SH3TC1: variants seen among roughly 807,000 people sequenced by gnomAD.
The protein encoded by SH3TC1 is SH3 domain and tetratricopeptide repeats 1.
Under a neutral mutation model 117.3 loss-of-function variants are expected in SH3TC1, and 135 were observed. The ratio of observed to expected loss-of-function variants is 1.15; its 90% CI spans 1.00 to 1.33. The LOEUF is 1.33. Ranked by LOEUF, SH3TC1 falls within the 40% of genes most tolerant of loss-of-function variation. SH3TC1 has a pLI of 0.00. For missense variants in SH3TC1, 2,092 were observed against 1,794.3 expected (o/e 1.17, Z -3.00); for synonymous variants, 898 against 816.9 (o/e 1.10, Z -1.69).
chr4:8,212,765 G>C lies in SH3TC1; in HGVS notation c.312G>C (p.Gln104His), dbSNP rs1426724576. The change falls in exon 4 of 18, where the codon CAG (glutamine) becomes CAC (histidine). Residue 104 changes from glutamine to histidine, a missense_variant. Transcript: ENST00000245105. ...GACTGCGGGACCCCGGCCTACAGCA[G>C]ACCCTCCGGGGCCAGCTCCGCCTGC... ...KSRLRDPGLQQTLRGQLRLLE... is the reference protein window; with the variant it reads ...KSRLRDPGLQHTLRGQLRLLE... The C allele has an allele frequency of 1.9e-6, 3 of 1,612,128 alleles. No homozygotes were observed. The highest frequency in any genetic ancestry group is 1.7e-6 in the Non-Finnish European group (2 of 1,179,720).
rs200239899 is a variant in SH3TC1, at chr4:8,232,205, G to A, written c.3131+49G>A. The A allele has an allele frequency of 2.8e-5, 27 of 954,178 alleles. No individual in the cohort carries two copies. The East Asian group carries it at 9.4e-4, about 33-fold the overall frequency. 59.1% of individuals were successfully genotyped at this position (954,178 alleles called of 1,614,324 possible). On this transcript the variant is annotated intron_variant, in intron 13 of 17. Coordinates refer to ENST00000245105, the MANE Select transcript of SH3TC1 (RefSeq NM_018986.5). ...GGGGGCGGGGGGAGGGGGCAAAGGG[G>A]GCGGCGGGGCGGGGGCACAGGGAAG...
chr4:8,227,943 T>G lies in SH3TC1; in HGVS notation c.2249T>G (p.Leu750Arg), dbSNP rs772277777. ...GCCGGCTCGCTGAGGAGTGTGAACC[T>G]GGTGCTCCAGAACGCCCCCCAGCCC... ...SLAGSLRSVN[L>R]VLQNAPQPHS... Residue 750 changes from leucine (L) to arginine (R), a missense_variant, in exon 12 of 18, where the codon CTG (leucine) becomes CGG (arginine). Physicochemically the swap from Leu to Arg is moderately radical, Grantham distance 102 (BLOSUM62 -2). Coordinates refer to ENST00000245105, the MANE Select transcript of SH3TC1 (RefSeq NM_018986.5). 6.2e-7 allele frequency: 1 copy of G among 1,612,600 alleles called. No individual in the cohort carries two copies. The highest frequency in any genetic ancestry group is 1.1e-5 in the South Asian group (1 of 91,078).
chr4:8,199,151 CG>C (rs1357057745), upstream of SH3TC1: 2 of 152,274 alleles, frequency 1.3e-5, no homozygotes, highest in Admixed American at 1.3e-4. Context: ...AATGATCAAC[CG>C]GCTGCGGTGT....
chr4:8,188,359 G>A (rs999471807), intron 1 of SH3TC1, among the ~76,000 whole-genome samples: 2 of 152,226 alleles, frequency 1.3e-5, no homozygotes, highest in African/African-American at 4.8e-5. Flanking sequence ...CAGGCAGGTT[G>A]GATCTGGGCA....
chr4:8,227,806 G>A lies in SH3TC1; in HGVS notation c.2112G>A (p.Ala704=), dbSNP rs769961412. 1.4e-5 allele frequency: 23 copies of A among 1,612,650 alleles called. 1 individual carries two copies. In the Admixed American group the frequency reaches 2.8e-4, roughly 20 times the overall value. ...GGGACTCGGGAGCCCCAGAGGCCGCGTGGCTCTCAGACTGCTACCTACTCC... is the reference window on the plus strand; with the variant it reads ...GGGACTCGGGAGCCCCAGAGGCCGCATGGCTCTCAGACTGCTACCTACTCC... ...LHRDSGAPEA[A]WLSDCYLLLA... The change falls in exon 12 of 18, where the codon GCG becomes GCA. Residue 704 remains alanine, a synonymous_variant. Transcript: ENST00000245105.
chr4:8,237,738 C>T, intron 17 of SH3TC1, 68 bp downstream of exon 17: 2 of 1,479,510 alleles, frequency 1.4e-6, no homozygotes, highest in South Asian at 2.7e-5. Context: ...ACCCAGACCC[C>T]TGAGGCATGT....
Position 8,225,008 on chromosome 4 carries a change from A to G in SH3TC1, c.1244-167A>G. ...CAACACCTCAGCCTGCAACACCTGC[A>G]CCCTGCAACACTCCAGCCCGCAACA... is the stretch of plus-strand genomic sequence containing the variant. On this transcript the variant is annotated intron_variant, in intron 10 of 17. Coordinates refer to ENST00000245105, the MANE Select transcript of SH3TC1 (RefSeq NM_018986.5). The surrounding 1 kb of genome is among the most constrained non-coding windows in gnomAD (Gnocchi z 5.5). 2 of 772,248 alleles carry G rather than the reference A, an allele frequency of 2.6e-6. No homozygotes were observed. Among genetic ancestry groups the G allele is most frequent in the Non-Finnish European group, 4.2e-6 (2 of 471,348 alleles). The allele number at this position is 772,248 out of a possible 1,614,324, so 47.8% of individuals were successfully genotyped here.
chr4:8,237,346 T>TG (rs899637908), intron 16 of SH3TC1, 128 bp from the exon 17 acceptor site: 61 of 700,550 alleles, frequency 8.7e-5, no homozygotes, highest in Non-Finnish European at 1.2e-4. Context: ...GTCTGGGAGC[T>TG]GGGAAGGGAC....
chr4:8,182,131 A>C, exon 1 of SH3TC1: 1 of 152,356 alleles, frequency 6.6e-6, no homozygotes, highest in Non-Finnish European at 1.5e-5. Flanking sequence ...TGTCCTGAGG[A>C]ACTGTGATAG....
Position 8,232,131 on chromosome 4 carries a change from C to G in SH3TC1, c.3106C>G (p.Leu1036Val). Reference sequence around the variant, plus strand: ...GCAGCTCCTGGAGACCATCAGCCAGCTCTACCTGTCCCTGGGCACCGAGCG... The same window carrying G: ...GCAGCTCCTGGAGACCATCAGCCAGGTCTACCTGTCCCTGGGCACCGAGCG... ...EGQLLETISQ[L>V]YLSLGTERAY... The change falls in exon 13 of 18, where the codon CTC becomes GTC. Residue 1036 changes from leucine to valine, a missense_variant. Leu to Val is a conservative substitution (Grantham distance 32). Transcript: ENST00000245105. 1 of 1,608,082 alleles carries G rather than the reference C, an allele frequency of 6.2e-7. No homozygotes were observed. The highest frequency in any genetic ancestry group is 2.2e-5 in the East Asian group (1 of 44,632).
rs1184380033 is a variant in SH3TC1, at chr4:8,190,195, C to A, written c.-57+7985C>A. Among the ~76,000 whole-genome samples the A allele has an allele frequency of 6.6e-6, 1 of 152,200 alleles. No homozygotes were observed. Among genetic ancestry groups the A allele is most frequent in the Non-Finnish European group, 1.5e-5 (1 of 68,008 alleles). ...TAGCAGGGAGTCTGCAGGAATCCCC[C>A]TTGGAGCCCTCCTCCCCTCTGCCTG... On this transcript the variant is annotated intron_variant, in intron 1 of 16. Transcript: ENST00000508641. The surrounding 1 kb of genome is among the most constrained non-coding windows in gnomAD (Gnocchi z 4.7).
Position 8,186,519 on chromosome 4 carries a change from C to G in SH3TC1, c.-57+4309C>G, listed in dbSNP as rs1717227042. On this transcript the variant is annotated intron_variant, in intron 1 of 16. Transcript: ENST00000508641. The surrounding 1 kb of genome is among the most constrained non-coding windows in gnomAD (Gnocchi z 5.2). ...GTCCACGTTGGTTTACTGAATGTGA[C>G]AGGTTACGCAGGTGTGAGATGGTCA... is the stretch of plus-strand genomic sequence containing the variant. 6.6e-6 allele frequency among the ~76,000 whole-genome samples: 1 copy of G among 152,180 alleles called. No homozygotes were observed. The highest frequency in any genetic ancestry group is 6.5e-5 in the Admixed American group (1 of 15,276).
At chr4:8,222,651 G>A (rs143852416) in intron 9 of SH3TC1, among the ~76,000 whole-genome samples, 189 bp from the exon 10 acceptor site, 84 of 146,874 alleles carry the variant, frequency 5.7e-4, no homozygotes, top group Non-Finnish European at 9.1e-4. Context: ...TGAGATTACA[G>A]GTGTGAGCCA....
rs1049637346 is a variant in SH3TC1, at chr4:8,192,980, T to C, written c.-57+10770T>C. ...ACAGCACAAGACAGCCTCAGCTCTG[T>C]GGTCCACAAACCACATGACCACATC... On this transcript the variant is annotated intron_variant, in intron 1 of 16. Transcript: ENST00000508641. The surrounding 1 kb of genome is among the most constrained non-coding windows in gnomAD (Gnocchi z 4.1). Among the ~76,000 whole-genome samples the C allele has an allele frequency of 1.3e-5, 2 of 152,240 alleles. No homozygotes were observed. Among genetic ancestry groups the C allele is most frequent in the Non-Finnish European group, 2.9e-5 (2 of 68,032 alleles).
Position 8,228,562 on chromosome 4 carries a change from C to A in SH3TC1, c.2868C>A (p.Cys956Ter). ...THVLLQLGHL[C>*]TRQGPAQQGK... is the part of the protein sequence containing the mutation. Reference sequence around the variant, plus strand: ...TGCTCCTGCAGCTGGGCCATCTCTGCACCCGCCAGGGCCCGGCCCAGCAGG... The same window carrying A: ...TGCTCCTGCAGCTGGGCCATCTCTGAACCCGCCAGGGCCCGGCCCAGCAGG... Residue 956 changes from cysteine to a stop codon, truncating the protein, a stop_gained, in exon 12 of 18, where the codon TGC (cysteine) becomes TGA (stop). Coordinates refer to ENST00000245105, the MANE Select transcript of SH3TC1 (RefSeq NM_018986.5). LOFTEE classifies it high-confidence loss of function. The A allele has an allele frequency of 1.9e-6, 3 of 1,603,460 alleles. No homozygotes were observed. The highest frequency in any genetic ancestry group is 1.7e-6 in the Non-Finnish European group (2 of 1,175,762).
intron 15 of SH3TC1, chr4:8,235,861 C>T (rs1721762688): frequency 2.6e-6 from 1 of 380,832 alleles, no homozygotes; most frequent in East Asian, 4.7e-5. Context: ...AGGGACACGT[C>T]AAAGGACACA....
rs370075149 is a variant in SH3TC1, at chr4:8,233,418, C to A, written c.3187C>A (p.Leu1063Ile). The change falls in exon 14 of 18, where the codon CTC becomes ATC. Residue 1063 changes from leucine to isoleucine, a missense_variant. Physicochemically the swap from Leu to Ile is conservative, Grantham distance 5. Coordinates refer to ENST00000245105, the MANE Select transcript of SH3TC1 (RefSeq NM_018986.5). ...TKRSLGIFIDLQKKEKEAHAW... is the reference protein window; with the variant it reads ...TKRSLGIFIDIQKKEKEAHAW... ...ACGAAGTCTGGGGATTTTCATTGAC[C>A]TCCAGAAGAAAGAGAAGGAGGCGCA... The A allele has an allele frequency of 4.6e-5, 74 of 1,613,878 alleles. No homozygotes were observed. The highest frequency in any genetic ancestry group is 6.1e-5 in the Non-Finnish European group (72 of 1,179,916).
chr4:8,238,339 C>A (rs1246119045), intron 17 of SH3TC1, among the ~76,000 whole-genome samples: 1 of 152,192 alleles, frequency 6.6e-6, no homozygotes, highest in Non-Finnish European at 1.5e-5. Flanking sequence ...GTGCTGGGAC[C>A]TGTGCTCCCT....
At chr4:8,235,229 C>T (rs1346161739) in intron 14 of SH3TC1, among the ~76,000 whole-genome samples, 1 of 152,222 alleles carries the variant, frequency 6.6e-6, no homozygotes, top group African/African-American at 2.4e-5. Flanking sequence ...GCTGCAGCTG[C>T]ACAGTCACCT....
Sources: gnomAD v4.1 joint callset for allele counts (sites outside exome capture counted in the v4.1 genomes callset) on GRCh38, gnomAD v4.1.1 for gene constraint, Gnocchi (gnomAD v3.1) non-coding constraint, MANE v1.5 for transcripts, NCBI Gene and HGNC (gene_info 2026-07-23, HGNC 2026-07-21) for gene names.